LRRC9: variants seen among roughly 807,000 people sequenced by gnomAD.
LRRC9 encodes the protein leucine rich repeat containing 9.
LRRC9 carries 122 observed loss-of-function variants against 63.2 expected under a neutral mutation model. That is an observed-to-expected ratio of 1.93 (90% CI 1.67 to 2.24). The LOEUF (loss-of-function observed/expected upper bound fraction) is 2.24. LRRC9 is among the 30% of genes most tolerant of loss of function. The pLI is 0.00. For synonymous variants in LRRC9, 366 were observed against 213.1 expected, an observed-to-expected ratio of 1.72 and a Z score of -6.25; for missense variants, 1,071 against 627.7, an observed-to-expected ratio of 1.71 and a Z score of -7.55.
In LRRC9 at chr14:60,031,090, A is replaced by G. The variant is rs1891954109; in HGVS notation, c.3922-905A>G. On this transcript the variant is annotated intron_variant, in intron 28 of 31. Transcript: ENST00000445360. This position sits in a 1 kb window ranked among gnomAD's most constrained non-coding sequence, Gnocchi z 4.6. ...TTTCGCATGTCCATGATTACTGATC[A>G]GGCTTTGGTTCCACAGATAGAAACT... is the stretch of plus-strand genomic sequence containing the variant. Among the ~76,000 whole-genome samples the G allele has an allele frequency of 6.6e-6, 1 of 152,080 alleles. No individual in the cohort carries two copies. Among genetic ancestry groups the G allele is most frequent in the African/African-American group, 2.4e-5 (1 of 41,448 alleles).
chr14:59,974,020 G>C (rs532617133), intron 12 of LRRC9, among the ~76,000 whole-genome samples: 1 of 152,128 alleles, frequency 6.6e-6, no homozygotes, highest in East Asian at 1.9e-4. Flanking sequence ...TAAAAATAGA[G>C]ATTTTTGGTT....
chr14:60,019,565 T>A (rs1167731805), intron 26 of LRRC9, among the ~76,000 whole-genome samples: 1 of 151,930 alleles, frequency 6.6e-6, no homozygotes, highest in Non-Finnish European at 1.5e-5. Flanking sequence ...GGGTTTCTTT[T>A]TTAAAAATTG....
At position 60,053,383 on chromosome 14, in the gene LRRC9, T is replaced by TCA. The variant is rs140525122; in HGVS notation, c.4131+215_4131+216dup. ...GATTTGGTGAATAGAGCATGCGTGC[T>TCA]CACACACACACACACACACACACAC... On this transcript the variant is annotated intron_variant, in intron 30 of 31. Transcript: ENST00000445360. The surrounding 1 kb of genome is among the most constrained non-coding windows in gnomAD (Gnocchi z 4.8). Among the ~76,000 whole-genome samples, 4,577 of 85,696 alleles carry TCA rather than the reference T, an allele frequency of 0.053. 109 individuals are homozygous for TCA. Among genetic ancestry groups the TCA allele is most frequent in the East Asian group, 0.17 (494 of 2,990 alleles). 56.2% of individuals were successfully genotyped at this position (85,696 alleles called of 152,430 possible).
chr14:59,975,848 G>T (rs1231741856), intron 13 of LRRC9, among the ~76,000 whole-genome samples: 1 of 152,160 alleles, frequency 6.6e-6, no homozygotes, highest in Admixed American at 6.5e-5. Context: ...CTAAAGCAGG[G>T]TCTCCAACCC....
chr14:59,972,035 T>C (rs1885566640), intron 12 of LRRC9, among the ~76,000 whole-genome samples: 1 of 152,168 alleles, frequency 6.6e-6, no homozygotes, highest in African/African-American at 2.4e-5. Flanking sequence ...ATTGAAGGCC[T>C]CTGACAACCC....
chr14:60,056,035 G>A (rs1894259843), intron 30 of LRRC9, among the ~76,000 whole-genome samples: 1 of 152,114 alleles, frequency 6.6e-6, no homozygotes, highest in Admixed American at 6.6e-5. Context: ...ATCCAGTAAT[G>A]CCATCACTTA....
At chr14:59,999,068 T>C in intron 18 of LRRC9, 33 bp from the exon 19 acceptor site, 1 of 628,634 alleles carries the variant, frequency 1.6e-6, no homozygotes, top group South Asian at 1.9e-5. Context: ...TATTTAACAG[T>C]TTATAAAAAA....
At chr14:60,037,034 C>A (rs539463093) in intron 29 of LRRC9, among the ~76,000 whole-genome samples, 1 of 152,036 alleles carries the variant, frequency 6.6e-6, no homozygotes, top group Non-Finnish European at 1.5e-5. Context: ...TCTGTCCTTG[C>A]GATAGTTTGC....
At chr14:60,029,230 C>G (rs1463010366) in intron 28 of LRRC9, among the ~76,000 whole-genome samples, 2 of 152,024 alleles carry the variant, frequency 1.3e-5, no homozygotes, top group African/African-American at 4.8e-5. Context: ...ACAGATCTTA[C>G]CTGGTATCAA....
intron 8 of LRRC9, among the ~76,000 whole-genome samples, chr14:59,959,231 A>C (rs1884111243): frequency 6.6e-6 from 1 of 152,158 alleles, no homozygotes; most frequent in Admixed American, 6.5e-5. Flanking sequence ...AATTAATGCA[A>C]AAAGTTCATT....
At chr14:59,971,511 TG>T (rs1340493149) in intron 12 of LRRC9, among the ~76,000 whole-genome samples, 2 of 152,202 alleles carry the variant, frequency 1.3e-5, no homozygotes, top group African/African-American at 4.8e-5. Flanking sequence ...CTTTATAAAT[TG>T]GTTTGGGCAG....
At position 60,019,269 on chromosome 14, in the gene LRRC9, C is replaced by G; in HGVS notation, c.3566+9C>G. On this transcript the variant is annotated intron_variant, in intron 26 of 31. Coordinates refer to ENST00000445360, the Ensembl canonical transcript of LRRC9. ...ATTTCAAAAACAAACAGGTAGTATTCTTTATTTTTATGATTATAACTAATT... is the reference window on the plus strand; with the variant it reads ...ATTTCAAAAACAAACAGGTAGTATTGTTTATTTTTATGATTATAACTAATT... The G allele has an allele frequency of 1.5e-6, 1 of 678,916 alleles. No homozygotes were observed. Among genetic ancestry groups the G allele is most frequent in the Non-Finnish European group, 2.7e-6 (1 of 376,644 alleles). 42.1% of individuals were successfully genotyped at this position (678,916 alleles called of 1,614,324 possible).
At chr14:59,921,514 G>A (rs1347255653) in intron 1 of LRRC9, among the ~76,000 whole-genome samples, 1 of 152,076 alleles carries the variant, frequency 6.6e-6, no homozygotes, top group Non-Finnish European at 1.5e-5. Flanking sequence ...TTTAATGAGT[G>A]AATGAAAATA....
chr14:59,961,893 G>GC (rs1884386587), intron 10 of LRRC9, among the ~76,000 whole-genome samples: 1 of 152,164 alleles, frequency 6.6e-6, no homozygotes, highest in Admixed American at 6.5e-5. Flanking sequence ...TAGGAACTGG[G>GC]TACATGGAAA....
chr14:60,046,981 G>A (rs139082581), intron 29 of LRRC9, among the ~76,000 whole-genome samples: 217 of 152,228 alleles, frequency 1.4e-3, no homozygotes, highest in Non-Finnish European at 2.4e-3. Context: ...CATATTCTTT[G>A]TTAGCTGTAT....
Position 60,003,846 on chromosome 14 carries a change from C to A in LRRC9, c.2842+48C>A, listed in dbSNP as rs1362236209. On this transcript the variant is annotated intron_variant, in intron 21 of 31. Transcript: ENST00000445360. This position sits in a 1 kb window ranked among gnomAD's most constrained non-coding sequence, Gnocchi z 4.2. ...AGTCTCAAAATATGGGATGTCTAAACAACAAAGCAAAAAATAACCCTGGGA... is the reference window on the plus strand; with the variant it reads ...AGTCTCAAAATATGGGATGTCTAAAAAACAAAGCAAAAAATAACCCTGGGA... The A allele has an allele frequency of 3.8e-6, 2 of 530,204 alleles. No homozygotes were observed. Among genetic ancestry groups the A allele is most frequent in the African/African-American group, 2.0e-5 (1 of 50,572 alleles). 32.8% of individuals were successfully genotyped at this position (530,204 alleles called of 1,614,324 possible). A position where few individuals can be genotyped will look rare whatever the true frequency, so the allele number is the denominator to read the frequency against.
chr14:59,959,869 G>A (rs1366042243), exon 9 of LRRC9: 2 of 693,342 alleles, frequency 2.9e-6, no homozygotes, highest in Non-Finnish European at 5.2e-6. Flanking sequence ...GCACAGTGAT[G>A]GATCCAATAA....
At chr14:60,019,064 C>T in intron 25 of LRRC9, 57 bp from the exon 26 acceptor site, 3 of 608,684 alleles carry the variant, frequency 4.9e-6, no homozygotes, top group Non-Finnish European at 8.8e-6. Flanking sequence ...CAAGTTTTAT[C>T]CATACAATTT....
rs762111602 is a variant in LRRC9, at chr14:59,929,579, TATACCCAAAGTA to T, written c.267+1097_267+1108del. 1.4e-3 allele frequency among the ~76,000 whole-genome samples: 214 copies of T among 152,256 alleles called. 1 individual carries two copies. The highest frequency in any genetic ancestry group is 2.6e-3 in the Non-Finnish European group (180 of 67,972). ...AACCCAGCAATTCCATTACTGGGTA[TATACCCAAAGTA>T]ATATAAACCATTCTATCATAAACAC... is the stretch of plus-strand genomic sequence containing the variant. On this transcript the variant is annotated intron_variant, in intron 3 of 31. Transcript: ENST00000445360.
Sources: gnomAD v4.1 joint callset for allele counts (sites outside exome capture counted in the v4.1 genomes callset) on GRCh38, gnomAD v4.1.1 for gene constraint, Gnocchi (gnomAD v3.1) non-coding constraint, MANE v1.5 for transcripts, NCBI Gene and HGNC (gene_info 2026-07-23, HGNC 2026-07-21) for gene names.